CD99: variants seen among roughly 807,000 people sequenced by gnomAD.
CD99 encodes the protein CD99 molecule (Xg blood group), also known as CD99 antigen.
Under a neutral mutation model 28.4 loss-of-function variants are expected in CD99, and 19 were observed. The ratio of observed to expected loss-of-function variants is 0.67; its 90% CI spans 0.47 to 0.98. The LOEUF (loss-of-function observed/expected upper bound fraction) is 0.98. Ranked by LOEUF, CD99 falls within the 50% of genes least tolerant of loss-of-function variation. CD99 has a pLI of 0.00. For missense variants in CD99, 283 were observed against 248.8 expected (o/e 1.14, Z -0.92); for synonymous variants, 103 against 92.1 (o/e 1.12, Z -0.67).
chrX:2,719,293 G>C, intron 3 of CD99: 1 of 252,852 alleles, frequency 4.0e-6, no homozygotes, highest in Non-Finnish European at 7.6e-6. Context: ...GAGGATGATG[G>C]GATGGGGAGT....
intron 1 of CD99, among the ~76,000 whole-genome samples, chrX:2,712,213 G>A (rs1306086946): frequency 6.6e-6 from 1 of 152,094 alleles, no homozygotes; most frequent in Admixed American, 6.5e-5. Flanking sequence ...CGGTGACCAA[G>A]GGGTTGGGAG....
At chrX:2,700,597 C>G (rs768799762) in intron 1 of CD99, among the ~76,000 whole-genome samples, 1 of 151,738 alleles carries the variant, frequency 6.6e-6, no homozygotes, top group Non-Finnish European at 1.5e-5. Context: ...TCGTCCCATT[C>G]CTTTATCCAT....
At chrX:2,721,383 A>G (rs2048985903) in intron 5 of CD99, among the ~76,000 whole-genome samples, 1 of 151,832 alleles carries the variant, frequency 6.6e-6, no homozygotes, top group Admixed American at 6.6e-5. Context: ...ACAGCCTCCA[A>G]CTCCTGGGCT....
intron 5 of CD99, among the ~76,000 whole-genome samples, chrX:2,721,496 A>G (rs2048991622): frequency 6.6e-6 from 1 of 152,004 alleles, no homozygotes; most frequent in South Asian, 2.1e-4. Flanking sequence ...GGGTCTCAGT[A>G]TGTTGCCCAG....
intron 3 of CD99, 145 bp downstream of exon 3, chrX:2,717,797 G>C (rs933750790): frequency 2.9e-5 from 20 of 686,276 alleles, no homozygotes; most frequent in Non-Finnish European, 5.0e-5. Flanking sequence ...TACTGGAATT[G>C]TGTTATGATG....
At chrX:2,718,908 C>G (rs2048869039) in intron 3 of CD99, among the ~76,000 whole-genome samples, 1 of 152,142 alleles carries the variant, frequency 6.6e-6, no homozygotes, top group South Asian at 2.1e-4. Flanking sequence ...AGCAAAGGGA[C>G]CCTGTGTCCC....
intron 5 of CD99, 46 bp from the exon 6 acceptor site, chrX:2,722,581 T>C: frequency 6.3e-7 from 1 of 1,579,948 alleles, no homozygotes. Context: ...TGAAGACCCT[T>C]GGAGGAGTTC....
chrX:2,736,002 A>G (rs1458324768), intron 8 of CD99, among the ~76,000 whole-genome samples: 2 of 151,964 alleles, frequency 1.3e-5, no homozygotes, highest in East Asian at 3.9e-4. Context: ...GGAGATCGAG[A>G]CCATCCTGGC....
intron 2 of CD99, among the ~76,000 whole-genome samples, chrX:2,716,090 C>G (rs1277339829): frequency 1.3e-5 from 2 of 151,188 alleles, no homozygotes; most frequent in Non-Finnish European, 2.9e-5. Flanking sequence ...ACGATCTCGG[C>G]TCACTGCAAC....
At position 2,722,583 on chromosome X, in the gene CD99, G is replaced by A. The variant is rs759968761; in HGVS notation, c.263-44G>A. ...TTATTCTAAGACATGAAGACCCTTG[G>A]AGGAGTTCCAGGTTGACAGGTGATG... On this transcript the variant is annotated intron_variant, in intron 5 of 9. Transcript: ENST00000381192. The A allele has an allele frequency of 8.2e-6, 13 of 1,586,164 alleles. No individual in the cohort carries two copies. In the South Asian group the frequency reaches 1.3e-4, roughly 16 times the overall value.
intron 1 of CD99, among the ~76,000 whole-genome samples, chrX:2,711,815 G>A (rs2048421945): frequency 6.6e-6 from 1 of 152,092 alleles, no homozygotes; most frequent in Admixed American, 6.6e-5. Context: ...TGAGGCAGGT[G>A]GATCACCTGA....
chrX:2,717,448 G>A (rs311077), intron 2 of CD99, 157 bp from the exon 3 acceptor site: 1 of 645,558 alleles, frequency 1.5e-6, no homozygotes, highest in Non-Finnish European at 2.8e-6. Context: ...AAGAGTCGTT[G>A]TATAAACCTC....
chrX:2,714,716 A>G (rs1227220671), intron 2 of CD99: 1 of 362,098 alleles, frequency 2.8e-6, no homozygotes, highest in Admixed American at 4.5e-5. Context: ...CAGAGACAGG[A>G]AGTGGGGCAC....
At chrX:2,723,696 T>TGACG (rs2049121294) in intron 7 of CD99, among the ~76,000 whole-genome samples, 1 of 152,178 alleles carries the variant, frequency 6.6e-6, no homozygotes, top group Non-Finnish European at 1.5e-5. Flanking sequence ...CAGAGGCTTG[T>TGACG]GACGCAGTAT....
At chrX:2,714,113 T>G (rs1309526355) in intron 1 of CD99, among the ~76,000 whole-genome samples, 2 of 152,216 alleles carry the variant, frequency 1.3e-5, no homozygotes, top group Admixed American at 1.3e-4. Context: ...TTCAAAATTG[T>G]TATTCATCTG....
chrX:2,702,388 C>T (rs186965812), intron 1 of CD99, among the ~76,000 whole-genome samples: 20 of 152,118 alleles, frequency 1.3e-4, no homozygotes, highest in East Asian at 1.9e-4. Context: ...TCACAAGATG[C>T]TGCAGAGGGG....
intron 1 of CD99, among the ~76,000 whole-genome samples, chrX:2,695,720 G>A (rs1374063662): frequency 8.6e-5 from 13 of 150,470 alleles, no homozygotes; most frequent in African/African-American, 3.2e-4. Flanking sequence ...TGCGACCTGT[G>A]TCTCCCGGGC....
chrX:2,721,944 C>T (rs184646182), intron 5 of CD99, among the ~76,000 whole-genome samples: 53 of 152,236 alleles, frequency 3.5e-4, no homozygotes, highest in East Asian at 9.6e-4. Context: ...TGAGTACTTT[C>T]GTAGCTTTTG....
At chrX:2,731,388 G>C (rs2049596536) in intron 8 of CD99, among the ~76,000 whole-genome samples, 1 of 152,140 alleles carries the variant, frequency 6.6e-6, no homozygotes, top group Admixed American at 6.5e-5. Flanking sequence ...TCAGGAGTTT[G>C]AGACCAGCCT....
Sources: gnomAD v4.1 joint callset for allele counts (sites outside exome capture counted in the v4.1 genomes callset) on GRCh38, gnomAD v4.1.1 for gene constraint, MANE v1.5 for transcripts, NCBI Gene and HGNC (gene_info 2026-07-23, HGNC 2026-07-21) for gene names.